Variants in PSME4 observed in about 807,000 individuals in gnomAD.
PSME4 encodes proteasome activator complex subunit 4.
A neutral mutation model predicts 253.9 loss-of-function variants in PSME4; 89 were observed. The observed-to-expected ratio is 0.35, with a 90% CI of 0.30 to 0.42. The LOEUF is 0.42. PSME4 is among the 10% of genes least tolerant of loss of function. PSME4 has a pLI of 1.00. For synonymous variants in PSME4, 851 were observed against 759.2 expected (o/e 1.12, Z -1.99); for missense variants, 2,014 against 2,195.2 (o/e 0.92, Z 1.65).
chr2:53,957,736 T>A (rs970666909), intron 1 of PSME4, among the ~76,000 whole-genome samples: 1 of 152,198 alleles, frequency 6.6e-6, no homozygotes, highest in African/African-American at 2.4e-5. Flanking sequence ...CCTAGCGATG[T>A]AAAATGGCTA....
At chr2:53,927,010 T>A (rs1356204500) in intron 12 of PSME4, among the ~76,000 whole-genome samples, 1 of 151,752 alleles carries the variant, frequency 6.6e-6, no homozygotes, top group East Asian at 1.9e-4. Flanking sequence ...AAAGAAGTTT[T>A]GAAAGAGCCA....
chr2:53,951,552 G>A (rs1669996883), intron 1 of PSME4, among the ~76,000 whole-genome samples: 1 of 152,122 alleles, frequency 6.6e-6, no homozygotes. Flanking sequence ...TTAGTACTAT[G>A]AGACCAGCAA....
intron 3 of PSME4, among the ~76,000 whole-genome samples, 157 bp from the exon 4 acceptor site, chr2:53,940,157 G>T (rs1244032299): frequency 1.3e-5 from 2 of 152,002 alleles, no homozygotes; most frequent in African/African-American, 4.8e-5. Context: ...GAACTGCAAG[G>T]ATTAACTACC....
At chr2:53,945,185 G>C (rs1297365978) in intron 3 of PSME4, among the ~76,000 whole-genome samples, 1 of 152,114 alleles carries the variant, frequency 6.6e-6, no homozygotes, top group African/African-American at 2.4e-5. Context: ...CCCATATTTT[G>C]TTAGTAGCAA....
At chr2:53,935,968 A>C (rs1573328027) in intron 7 of PSME4, 119 bp downstream of exon 7, 1 of 1,365,272 alleles carries the variant, frequency 7.3e-7, no homozygotes. Context: ...ATCTTGGCTC[A>C]CTGCAACCTC....
At chr2:53,945,216 T>C (rs1192683282) in intron 3 of PSME4, among the ~76,000 whole-genome samples, 1 of 152,234 alleles carries the variant, frequency 6.6e-6, no homozygotes, top group East Asian at 1.9e-4. Flanking sequence ...ATGTTGCCTA[T>C]ACTATAACTT....
chr2:53,948,379 C>G (rs755493030), intron 3 of PSME4, 42 bp downstream of exon 3: 6 of 1,310,054 alleles, frequency 4.6e-6, no homozygotes, highest in Non-Finnish European at 6.6e-6. Context: ...CCTAAAAAAC[C>G]CCAAGTACTC....
chr2:53,913,468 C>T (rs1328186582), intron 20 of PSME4, among the ~76,000 whole-genome samples: 1 of 152,156 alleles, frequency 6.6e-6, no homozygotes, highest in African/African-American at 2.4e-5. Flanking sequence ...CAGCTGTAAA[C>T]AATAATATAA....
At chr2:53,933,375 CAAAAAAAAAAAAA>C (rs571833072) in intron 8 of PSME4, among the ~76,000 whole-genome samples, 8 of 60,628 alleles carry the variant, frequency 1.3e-4, no homozygotes, top group African/African-American at 1.7e-4. Context: ...GAGACCATCT[CAAAAAAAAAAAAA>C]AAAAAAAAAA....
intron 1 of PSME4, among the ~76,000 whole-genome samples, chr2:53,950,025 T>A (rs1330545223): frequency 1.3e-5 from 2 of 152,162 alleles, no homozygotes; most frequent in Non-Finnish European, 2.9e-5. Flanking sequence ...CTGTAATCCC[T>A]GCACTTTGAG....
Position 53,874,236 on chromosome 2 carries a change from A to C in PSME4, c.5100+103T>G, listed in dbSNP as rs1017343879. 4 of 1,186,774 alleles carry C rather than the reference A, an allele frequency of 3.4e-6. No homozygotes were observed. The African/African-American group carries it at 6.2e-5, about 18-fold the overall frequency. 73.5% of individuals were successfully genotyped at this position (1,186,774 alleles called of 1,614,324 possible). ...TCGTCTCTCAAAGAGTTGAGGTTAT[A>C]AATATAAACAATTGCACCTGGCCGC... On this transcript the variant is annotated intron_variant, in intron 43 of 46. Coordinates refer to ENST00000404125, the MANE Select transcript of PSME4 (RefSeq NM_014614.3).
chr2:53,926,164 A>T, intron 12 of PSME4, 141 bp from the exon 13 acceptor site: 1 of 604,388 alleles, frequency 1.7e-6, no homozygotes, highest in Non-Finnish European at 2.9e-6. Flanking sequence ...ACCATGCTAG[A>T]CTTCATCTAC....
In PSME4 at chr2:53,878,071, A is replaced by G. The variant is rs141110653; in HGVS notation, c.4816-2316T>C. On this transcript the variant is annotated intron_variant, in intron 41 of 46. Coordinates refer to ENST00000404125, the MANE Select transcript of PSME4 (RefSeq NM_014614.3). ...GAGTGTCTAGCAAAAGCACATATTC[A>G]TTTACTTTCTACTGGCTGTTGCAGG... Among the ~76,000 whole-genome samples the G allele has an allele frequency of 4.6e-5, 7 of 152,306 alleles. No individual in the cohort carries two copies. The East Asian group carries it at 1.3e-3, about 29-fold the overall frequency.
chr2:53,901,206 A>G (rs2104435219), intron 28 of PSME4, 144 bp downstream of exon 28: 3 of 742,206 alleles, frequency 4.0e-6, no homozygotes, highest in Non-Finnish European at 4.3e-6. Flanking sequence ...ACAAAAAGCA[A>G]ACAGGTAACA....
In PSME4 at chr2:53,888,381, CTCTT is replaced by C. The variant is rs1215419587; in HGVS notation, c.4388+336_4388+339del. On this transcript the variant is annotated intron_variant, in intron 38 of 46. Coordinates refer to ENST00000404125, the MANE Select transcript of PSME4 (RefSeq NM_014614.3). ...AGGCAGTTTTTCCTTGAAATGATTA[CTCTT>C]TCTTTGTATCTTTTTAACAGGAAAA... 2.5e-5 allele frequency: 6 copies of C among 244,602 alleles called. No homozygotes were observed. In the East Asian group the frequency reaches 3.3e-4, roughly 14 times the overall value. The allele number at this position is 244,602 out of a possible 1,614,324, so 15.2% of individuals were successfully genotyped here.
At chr2:53,903,831 G>A (rs1179427160) in intron 27 of PSME4, among the ~76,000 whole-genome samples, 194 bp downstream of exon 27, 1 of 151,892 alleles carries the variant, frequency 6.6e-6, no homozygotes, top group African/African-American at 2.4e-5. Context: ...GTTTAAAGGT[G>A]AATCGTGCTG....
At chr2:53,899,860 A>C in intron 29 of PSME4, 21 bp downstream of exon 29, 1 of 1,609,910 alleles carries the variant, frequency 6.2e-7, no homozygotes, top group Non-Finnish European at 8.5e-7. Context: ...CATCTATTGA[A>C]GTACACCATT....
chr2:53,868,167 A>C (rs1678663201), intron 44 of PSME4, among the ~76,000 whole-genome samples: 1 of 151,990 alleles, frequency 6.6e-6, no homozygotes, highest in Admixed American at 6.6e-5. Context: ...AAAAAAACAG[A>C]GTTCTCAGGC....
chr2:53,960,041 A>G (rs1670410708), intron 1 of PSME4, among the ~76,000 whole-genome samples: 1 of 152,220 alleles, frequency 6.6e-6, no homozygotes, highest in Non-Finnish European at 1.5e-5. Context: ...GAAAGCTGTC[A>G]TCACTTAAGT....
Sources: gnomAD v4.1 joint callset for allele counts (sites outside exome capture counted in the v4.1 genomes callset) on GRCh38, gnomAD v4.1.1 for gene constraint, MANE v1.5 for transcripts, NCBI Gene and HGNC (gene_info 2026-07-23, HGNC 2026-07-21) for gene names.